The following DHX58 variants were observed in gnomAD, a reference collection of about 807,000 sequenced individuals.
DHX58 encodes ATP-dependent RNA helicase DHX58.
Under a neutral mutation model 65.0 loss-of-function variants are expected in DHX58, and 51 were observed. The observed-to-expected ratio is 0.78, with a 90% CI of 0.63 to 0.99. The LOEUF (loss-of-function observed/expected upper bound fraction) is 0.99. Among genes scored for constraint, DHX58 ranks in the 50% least tolerant of loss-of-function variants. The pLI is 0.00. For missense variants in DHX58, 773 were observed against 891.8 expected (o/e 0.87, Z 1.70); for synonymous variants, 350 against 365.0 (o/e 0.96, Z 0.47).
At position 42,105,155 on chromosome 17, in the gene DHX58, C is replaced by G; in HGVS notation, c.1264G>C (p.Glu422Gln). 1 of 1,612,612 alleles carries G rather than the reference C, an allele frequency of 6.2e-7. No individual in the cohort carries two copies. The highest frequency in any genetic ancestry group is 1.3e-5 in the African/African-American group (1 of 75,002). The change falls in exon 10 of 14, where the codon GAA becomes CAA. Residue 422 changes from glutamate (E) to glutamine (Q), a missense_variant. Glu to Gln is a conservative substitution (Grantham distance 29). Coordinates refer to ENST00000251642, the MANE Select transcript of DHX58 (RefSeq NM_024119.3). ...CCATCTTGGAACTTCTGGATCACTT[C>G]TTGCTGGTCCCTCTGCAGGCGGAGG... is the stretch of plus-strand genomic sequence containing the variant. ...STHMTQRDQQ[E>Q]VIQKFQDGTL...
chr17:42,105,873 T>C lies in DHX58; in HGVS notation c.1114A>G (p.Ile372Val), dbSNP rs782410578. The C allele has an allele frequency of 5.6e-6, 9 of 1,613,974 alleles. No homozygotes were observed. In the East Asian group the frequency reaches 1.1e-4, roughly 20 times the overall value. The change falls in exon 9 of 14, where the codon ATC (isoleucine) becomes GTC (valine). Residue 372 changes from isoleucine (I) to valine (V), a missense_variant. By Grantham distance (29) the Ile-to-Val change is conservative. Coordinates refer to ENST00000251642, the MANE Select transcript of DHX58 (RefSeq NM_024119.3). ...GCGCTTTGGCGGGTGCGGGTGAAGA[T>C]GATACCCCGAGGGCTGTTAGAGCTA... Reference protein sequence around the residue: ...FSSSNSPRGIIFTRTRQSAHS... With the variant: ...FSSSNSPRGIVFTRTRQSAHS...
At chr17:42,107,845 C>T (rs2054088051) in intron 7 of DHX58, 50 bp from the exon 8 acceptor site, 1 of 1,536,108 alleles carries the variant, frequency 6.5e-7, no homozygotes, top group Non-Finnish European at 8.8e-7. Context: ...CCGCCCCCTG[C>T]CCTGCCCCAT....
At chr17:42,106,643 CA>C (rs1162028901) in intron 8 of DHX58, among the ~76,000 whole-genome samples, 15 of 151,722 alleles carry the variant, frequency 9.9e-5, no homozygotes, top group Admixed American at 8.5e-4. Context: ...ACTAAAAATA[CA>C]AAAAAATTAG....
At chr17:42,104,673 G>C (rs1421717923) in intron 11 of DHX58, 93 bp downstream of exon 11, 61 of 1,518,348 alleles carry the variant, frequency 4.0e-5, no homozygotes, top group Non-Finnish European at 5.4e-5. Context: ...ATGTAGAGGG[G>C]ACAGGGGGAC....
chr17:42,107,578 CCCCGAAG>C lies in DHX58; in HGVS notation c.997+19_997+25del. On this transcript the variant is annotated intron_variant, in intron 8 of 13. Transcript: ENST00000251642. Reference sequence around the variant, plus strand: ...CGCATCCAGGTCCCATCATCCCCGGCCCCGAAGCCCCCTCCCGCCCCTCACCATCGAA... The same window carrying C: ...CGCATCCAGGTCCCATCATCCCCGGCCCCCCTCCCGCCCCTCACCATCGAA... The C allele has an allele frequency of 2.7e-6, 4 of 1,472,812 alleles. No homozygotes were observed. The highest frequency in any genetic ancestry group is 3.7e-6 in the Non-Finnish European group (4 of 1,085,494). 91.2% of individuals were successfully genotyped at this position (1,472,812 alleles called of 1,614,324 possible). A position where few individuals can be genotyped will look rare whatever the true frequency, so the allele number is the denominator to read the frequency against.
intron 4 of DHX58, 118 bp from the exon 5 acceptor site, chr17:42,111,031 G>T: frequency 8.0e-7 from 1 of 1,247,422 alleles, no homozygotes; most frequent in Non-Finnish European, 1.1e-6. Flanking sequence ...ACCTGCAGCT[G>T]GTCCCAGGAT....
chr17:42,103,557 T>C, intron 12 of DHX58, 51 bp downstream of exon 12: 1 of 1,603,310 alleles, frequency 6.2e-7, no homozygotes, highest in Non-Finnish European at 8.5e-7. Context: ...ACTGTCTGGA[T>C]GGGAAGGATT....
In DHX58 at chr17:42,107,602, A is replaced by G. The variant is rs1555662991; in HGVS notation, c.997+2T>C. On this transcript the variant is annotated splice_donor_variant, in intron 8 of 13. Transcript: ENST00000251642. LOFTEE classifies it high-confidence loss of function. ...GCCCCGAAGCCCCCTCCCGCCCCTC[A>G]CCATCGAACAGGGCCAGCAGCCGGC... The G allele has an allele frequency of 6.8e-7, 1 of 1,474,898 alleles. No homozygotes were observed. Among genetic ancestry groups the G allele is most frequent in the East Asian group, 2.7e-5 (1 of 37,706 alleles). 91.4% of individuals were successfully genotyped at this position (1,474,898 alleles called of 1,614,324 possible).
At chr17:42,108,192 A>G (rs1363845897) in intron 6 of DHX58, 84 bp from the exon 7 acceptor site, 9 of 1,591,096 alleles carry the variant, frequency 5.7e-6, no homozygotes, top group Non-Finnish European at 7.7e-6. Context: ...GGCGTGTAGC[A>G]CACCGCGACT....
chr17:42,106,709 A>G (rs1365489761), intron 8 of DHX58, among the ~76,000 whole-genome samples: 10 of 127,520 alleles, frequency 7.8e-5, no homozygotes, highest in Non-Finnish European at 1.5e-4. Flanking sequence ...CTGAGGCAGG[A>G]GAATCACTTG....
At position 42,111,490 on chromosome 17, in the gene DHX58, A is replaced by G. The variant is rs1415302023; in HGVS notation, c.176T>C (p.Leu59Pro). 2 of 1,613,744 alleles carry G rather than the reference A, an allele frequency of 1.2e-6. No individual in the cohort carries two copies. Among genetic ancestry groups the G allele is most frequent in the East Asian group, 4.5e-5 (2 of 44,890 alleles). The change falls in exon 4 of 14, where the codon CTG (leucine) becomes CCG (proline). Residue 59 changes from leucine to proline, a missense_variant. Physicochemically the swap from Leu to Pro is moderately conservative, Grantham distance 98. Transcript: ENST00000251642. ...KVVVLVNRVH[L>P]VTQHGEEFRR... is the part of the protein sequence containing the mutation. The stretch of plus-strand genomic sequence containing the variant: ...GAACTCTTCACCATGCTGGGTCACC[A>G]GGTGCACCTGGGGGTGGAGAATGAG...
At chr17:42,107,907 G>A in intron 7 of DHX58, 75 bp downstream of exon 7, 1 of 1,590,454 alleles carries the variant, frequency 6.3e-7, no homozygotes, top group Non-Finnish European at 8.6e-7. Flanking sequence ...CCGCCCCAAA[G>A]GCCTCCGCCC....
intron 9 of DHX58, 85 bp from the exon 10 acceptor site, chr17:42,105,252 G>T: frequency 1.4e-6 from 2 of 1,459,540 alleles, no homozygotes; most frequent in Non-Finnish European, 1.8e-6. Flanking sequence ...GCCTCTTCTG[G>T]TTCAGCCCTC....
chr17:42,110,539 C>T (rs868983014), intron 5 of DHX58, among the ~76,000 whole-genome samples, 184 bp downstream of exon 5: 9 of 152,150 alleles, frequency 5.9e-5, no homozygotes, highest in East Asian at 1.9e-4. Context: ...ACAGTAGAGT[C>T]GGGAGTTAAT....
chr17:42,107,968 G>T lies in DHX58; in HGVS notation c.805+14C>A, dbSNP rs374550238. The T allele has an allele frequency of 2.5e-6, 4 of 1,613,920 alleles. No homozygotes were observed. Among genetic ancestry groups the T allele is most frequent in the African/African-American group, 2.7e-5 (2 of 74,942 alleles). ...CCACATCCTCGCCTCCGCCAGAAGG[G>T]CTGCCCCTCTCACCAGCCTCACTCA... On this transcript the variant is annotated intron_variant, in intron 7 of 13. Coordinates refer to ENST00000251642, the MANE Select transcript of DHX58 (RefSeq NM_024119.3).
Position 42,104,761 on chromosome 17 carries a change from C to T in DHX58, c.1563+5G>A, listed in dbSNP as rs782347987. 6 of 1,613,460 alleles carry T rather than the reference C, an allele frequency of 3.7e-6. No homozygotes were observed. The East Asian group carries it at 1.3e-4, about 36-fold the overall frequency. Reference sequence around the variant, plus strand: ...TCCCACAGGGCATGCAGGCTGCCTGCAGACCTTGGCCTGGTACTCGGCCTG... The same window carrying T: ...TCCCACAGGGCATGCAGGCTGCCTGTAGACCTTGGCCTGGTACTCGGCCTG... On this transcript the variant is annotated splice_donor_5th_base_variant and intron_variant, in intron 11 of 13. Coordinates refer to ENST00000251642, the MANE Select transcript of DHX58 (RefSeq NM_024119.3).
chr17:42,107,689 A>G lies in DHX58; in HGVS notation c.912T>C (p.Ala304=), dbSNP rs1200094315. The change falls in exon 8 of 14, where the codon GCT becomes GCC. Residue 304 remains alanine, a synonymous_variant. Transcript: ENST00000251642. ...CCCTGTGATAGAAATCCTGCAGCGC[A>G]GCCAAGGCATCCACGGCGCGGACGG... ...HDTVRAVDAL[A]ALQDFYHREH... The G allele has an allele frequency of 1.3e-5, 21 of 1,612,660 alleles. No individual in the cohort carries two copies. Among genetic ancestry groups the G allele is most frequent in the Admixed American group, 6.7e-5 (4 of 59,866 alleles).
At chr17:42,104,984 A>G (rs2054033008) in intron 10 of DHX58, 34 bp downstream of exon 10, 2 of 1,612,578 alleles carry the variant, frequency 1.2e-6, no homozygotes, top group South Asian at 1.1e-5. Context: ...ACAGGATCCT[A>G]TAAGGGCGGC....
intron 5 of DHX58, among the ~76,000 whole-genome samples, chr17:42,110,124 T>A (rs1598220828): frequency 1.3e-5 from 2 of 148,376 alleles, no homozygotes; most frequent in Admixed American, 1.3e-4. Flanking sequence ...GAGGCGGAGG[T>A]TGCAGGGAGC....
Sources: allele counts gnomAD v4.1 joint callset (sites outside exome capture counted in the v4.1 genomes callset), GRCh38; gene constraint gnomAD v4.1.1; transcripts MANE v1.5; gene names NCBI Gene and HGNC (gene_info 2026-07-23, HGNC 2026-07-21).